Variants in CTNNA2 observed in about 807,000 individuals in gnomAD.
The protein encoded by CTNNA2 is catenin alpha-2.
A neutral mutation model predicts 101.0 loss-of-function variants in CTNNA2; 42 were observed. The ratio of observed to expected loss-of-function variants is 0.42; its 90% CI spans 0.32 to 0.54. The LOEUF (loss-of-function observed/expected upper bound fraction) is 0.54, where lower values mean the gene tolerates loss of function less well. CTNNA2 is among the 20% of genes least tolerant of loss of function. The pLI, the probability that CTNNA2 is intolerant of heterozygous loss-of-function variation, is 0.14. For synonymous variants in CTNNA2, 450 were observed against 456.4 expected, an observed-to-expected ratio of 0.99 and a Z score of 0.18; for missense variants, 871 against 1,223.1, an observed-to-expected ratio of 0.71 and a Z score of 4.29.
At chr2:79,651,763 C>A (rs1681270846) in intron 2 of CTNNA2, 105 bp downstream of exon 2, 2 of 928,098 alleles carry the variant, frequency 2.2e-6, no homozygotes, top group South Asian at 1.5e-5. Context: ...TAAATCATGC[C>A]ATGATTCCGA....
At chr2:80,554,676 A>G (rs1379363720) in intron 11 of CTNNA2, among the ~76,000 whole-genome samples, 1 of 152,136 alleles carries the variant, frequency 6.6e-6, no homozygotes, top group Non-Finnish European at 1.5e-5. Context: ...TAAAGTCTGC[A>G]CCTCTTAATA....
chr2:79,584,192 G>A (rs936608063), intron 1 of CTNNA2, among the ~76,000 whole-genome samples: 2 of 151,956 alleles, frequency 1.3e-5, no homozygotes, highest in Admixed American at 6.6e-5. Flanking sequence ...CTCTTCCTCT[G>A]GATTTATCAG....
At position 79,218,311 on chromosome 2, in the gene CTNNA2, T is replaced by TTGTGTGTGTGTGTG. The variant is rs60680995; in HGVS notation, c.-406+20261_-406+20274dup. 1.9e-3 allele frequency among the ~76,000 whole-genome samples: 213 copies of TTGTGTGTGTGTGTG among 114,750 alleles called. 6 individuals carry two copies. The highest frequency in any genetic ancestry group is 0.012 in the East Asian group (37 of 3,102). 75.3% of individuals were successfully genotyped at this position (114,750 alleles called of 152,430 possible). ...CCAGGCACCAGAATCTTCATGAACT[T>TTGTGTGTGTGTGTG]TGTGTGTGTGTGTGTGTGTGTGTGT... On this transcript the variant is annotated intron_variant, in intron 2 of 21. Coordinates refer to the CTNNA2 transcript ENST00000466387.
At chr2:79,713,237 A>G (rs1487355307) in intron 2 of CTNNA2, among the ~76,000 whole-genome samples, 1 of 152,196 alleles carries the variant, frequency 6.6e-6, no homozygotes, top group Non-Finnish European at 1.5e-5. Context: ...TAGCAATTCT[A>G]ATACAGTTCC....
chr2:80,596,905 G>A (rs1466427192), intron 15 of CTNNA2, among the ~76,000 whole-genome samples: 1 of 152,096 alleles, frequency 6.6e-6, no homozygotes, highest in Non-Finnish European at 1.5e-5. Context: ...TTTGTTAAGA[G>A]TTTTCAACAT....
intron 4 of CTNNA2, among the ~76,000 whole-genome samples, chr2:79,436,649 T>A (rs1678717789): frequency 6.6e-6 from 1 of 151,748 alleles, no homozygotes; most frequent in Admixed American, 6.6e-5. Context: ...TTTTTTTTTT[T>A]GAGGCAGAGT....
chr2:79,414,195 A>G (rs911964476), intron 4 of CTNNA2, among the ~76,000 whole-genome samples: 2 of 152,090 alleles, frequency 1.3e-5, no homozygotes, highest in Admixed American at 6.6e-5. Flanking sequence ...CATTTTGTTT[A>G]TAATAAAATT....
intron 7 of CTNNA2, among the ~76,000 whole-genome samples, chr2:79,970,752 T>A (rs1020967234): frequency 6.6e-6 from 1 of 152,078 alleles, no homozygotes; most frequent in Admixed American, 6.6e-5. Context: ...GGAAAGCAAT[T>A]TGACATCCTT....
chr2:79,925,609 T>C (rs76162164), intron 7 of CTNNA2, among the ~76,000 whole-genome samples: 1 of 152,238 alleles, frequency 6.6e-6, no homozygotes, highest in Non-Finnish European at 1.5e-5. Flanking sequence ...TTTGTTTTGC[T>C]TTTAATTTAG....
chr2:80,612,424 A>G (rs1440379322), intron 17 of CTNNA2, among the ~76,000 whole-genome samples: 1 of 151,642 alleles, frequency 6.6e-6, no homozygotes, highest in Non-Finnish European at 1.5e-5. Flanking sequence ...ATATGTGCAT[A>G]CAAACATACA....
At position 80,525,024 on chromosome 2, in the gene CTNNA2, G is replaced by C. The variant is rs137945429; in HGVS notation, c.1291-19958G>C. ...TTTAGTAGTGATTTGTGAGATTTTG[G>C]TGCACCCATCACTGAGCAGTATACA... On this transcript the variant is annotated intron_variant, in intron 9 of 18. Transcript: ENST00000402739. Among the ~76,000 whole-genome samples, 8 of 151,996 alleles carry C rather than the reference G, an allele frequency of 5.3e-5. No homozygotes were observed. In the East Asian group the frequency reaches 1.4e-3, roughly 26 times the overall value.
intron 1 of CTNNA2, among the ~76,000 whole-genome samples, chr2:79,635,402 A>G (rs1301531134): frequency 6.6e-6 from 1 of 151,964 alleles, no homozygotes; most frequent in Admixed American, 6.6e-5. Context: ...ACTGCACTCC[A>G]GCCTGGGTGG....
At chr2:79,567,723 GT>G (rs1166563626) in intron 1 of CTNNA2, among the ~76,000 whole-genome samples, 1 of 152,046 alleles carries the variant, frequency 6.6e-6, no homozygotes, top group Admixed American at 6.6e-5. Context: ...CATTGCTTGT[GT>G]TGAGACCACA....
chr2:80,033,163 AAAAC>A (rs1695413847), intron 7 of CTNNA2, among the ~76,000 whole-genome samples: 13 of 151,570 alleles, frequency 8.6e-5, no homozygotes, highest in Admixed American at 7.2e-4. Flanking sequence ...AAAAAAAAAA[AAAAC>A]AAACACACAA....
At chr2:79,904,249 A>C (rs2104294937) in intron 6 of CTNNA2, among the ~76,000 whole-genome samples, 1 of 152,240 alleles carries the variant, frequency 6.6e-6, no homozygotes, top group African/African-American at 2.4e-5. Context: ...GGTTGTACAT[A>C]TTTTTGTGCT....
chr2:80,483,330 G>T (rs7588178), intron 9 of CTNNA2, among the ~76,000 whole-genome samples: 59,316 of 149,134 alleles, frequency 0.4, 13,478 homozygotes, highest in East Asian at 0.76. Flanking sequence ...CAGATGATTT[G>T]CAGTCTCTTT....
intron 3 of CTNNA2, among the ~76,000 whole-genome samples, chr2:79,810,278 G>A (rs1030954190): frequency 2.0e-5 from 3 of 152,066 alleles, no homozygotes; most frequent in African/African-American, 7.2e-5. Flanking sequence ...GAAGGCAAAA[G>A]GTCTTACATC....
At chr2:80,122,144 G>T (rs761690838) in intron 7 of CTNNA2, among the ~76,000 whole-genome samples, 1 of 151,164 alleles carries the variant, frequency 6.6e-6, no homozygotes, top group East Asian at 2.0e-4. Flanking sequence ...CGTGGCTCTG[G>T]GTTGGAGCTT....
chr2:79,479,694 G>A (rs945734009), intron 4 of CTNNA2, among the ~76,000 whole-genome samples: 13 of 152,148 alleles, frequency 8.5e-5, no homozygotes, highest in African/African-American at 2.4e-4. Context: ...AGGCCGAGGC[G>A]GGCGGATTGC....
Sources: gnomAD v4.1 joint callset for allele counts (sites outside exome capture counted in the v4.1 genomes callset) on GRCh38, gnomAD v4.1.1 for gene constraint, MANE v1.5 for transcripts, NCBI Gene and HGNC (gene_info 2026-07-23, HGNC 2026-07-21) for gene names.